ORC1: variants seen among roughly 807,000 people sequenced by gnomAD.
ORC1 encodes origin recognition complex subunit 1.
A neutral mutation model predicts 98.9 loss-of-function variants in ORC1; 61 were observed. The ratio of observed to expected loss-of-function variants is 0.62; its 90% CI spans 0.50 to 0.76. ORC1 has a LOEUF of 0.76. Ranked by LOEUF, ORC1 falls within the 30% of genes least tolerant of loss-of-function variation. ORC1 has a pLI of 0.00. For missense variants in ORC1, 979 were observed against 1,072.2 expected (o/e 0.91, Z 1.21); for synonymous variants, 385 against 406.9 (o/e 0.95, Z 0.65).
intron 3 of ORC1, among the ~76,000 whole-genome samples, chr1:52,398,961 CG>C (rs1349455972): frequency 6.6e-6 from 1 of 152,248 alleles, no homozygotes; most frequent in East Asian, 1.9e-4. Flanking sequence ...AATCAAGTGA[CG>C]GGGGACCTTA....
Position 52,393,681 on chromosome 1 carries a change from T to C in ORC1, c.844A>G (p.Lys282Glu). ...AGAGCTGGAGACAAGGTTTGAAGTTTATCAGGCTGAGATCTCTTAGAAGGT... is the reference window on the plus strand; with the variant it reads ...AGAGCTGGAGACAAGGTTTGAAGTTCATCAGGCTGAGATCTCTTAGAAGGT... The part of the protein sequence containing the change: ...TSPSKRSQPD[K>E]LQTLSPALKA... Residue 282 changes from lysine to glutamate, a missense_variant, in exon 6 of 17, where the codon AAA becomes GAA. Transcript: ENST00000371568. The C allele has an allele frequency of 6.2e-7, 1 of 1,614,064 alleles. No individual in the cohort carries two copies. The highest frequency in any genetic ancestry group is 8.5e-7 in the Non-Finnish European group (1 of 1,179,994).
chr1:52,397,022 G>C (rs1647436846), intron 4 of ORC1, among the ~76,000 whole-genome samples: 1 of 152,132 alleles, frequency 6.6e-6, no homozygotes, highest in Non-Finnish European at 1.5e-5. Context: ...TACTCATCCT[G>C]CTGCCTCAAC....
upstream of ORC1, chr1:52,405,946 C>G: frequency 1.1e-6 from 1 of 945,722 alleles, no homozygotes; most frequent in South Asian, 1.6e-5. Context: ...CTAGAGAGTT[C>G]CACTCCAGAT....
Position 52,384,609 on chromosome 1 carries a change from T to C in ORC1, c.1696A>G (p.Ile566Val), listed in dbSNP as rs368689090. 11 of 1,613,928 alleles carry C rather than the reference T, an allele frequency of 6.8e-6. No individual in the cohort carries two copies. Among genetic ancestry groups the C allele is most frequent in the African/African-American group, 1.3e-5 (1 of 74,888 alleles). ...GTCAGCTTCATGCCATTGACCTCAA[T>C]GTATTGAAAGGGAGGAACATCATTG... The part of the protein sequence containing the change: ...QANDVPPFQY[I>V]EVNGMKLTEP... Residue 566 changes from isoleucine to valine, a missense_variant, in exon 11 of 17, where the codon ATT becomes GTT. Ile to Val is a conservative substitution (Grantham distance 29). Coordinates refer to ENST00000371568, the MANE Select transcript of ORC1 (RefSeq NM_004153.4).
At chr1:52,406,468 G>A (rs1275074950), upstream of ORC1, among the ~76,000 whole-genome samples, 1 of 152,194 alleles carries the variant, frequency 6.6e-6, no homozygotes, top group Non-Finnish European at 1.5e-5. Flanking sequence ...ACAACAAAAG[G>A]TGGTGGTTAA....
At chr1:52,380,938 C>T (rs1343803650) in intron 14 of ORC1, among the ~76,000 whole-genome samples, 1 of 152,210 alleles carries the variant, frequency 6.6e-6, no homozygotes, top group African/African-American at 2.4e-5. Context: ...CAGTCATGTG[C>T]TGCTGCTACA....
chr1:52,383,499 G>A lies in ORC1; in HGVS notation c.1934C>T (p.Ala645Val). 6.2e-7 allele frequency: 1 copy of A among 1,613,796 alleles called. No individual in the cohort carries two copies. The highest frequency in any genetic ancestry group is 8.5e-7 in the Non-Finnish European group (1 of 1,180,014). ...GGCAATTGCCAGGACCACAAGCCGG[G>A]CCTCCTTATGAGTGGGCCAGTCAAA... ...NLFDWPTHKE[A>V]RLVVLAIANT... The change falls in exon 13 of 17, where the codon GCC (alanine) becomes GTC (valine). Residue 645 changes from alanine to valine, a missense_variant. Physicochemically the swap from Ala to Val is moderately conservative, Grantham distance 64. Coordinates refer to ENST00000371568, the MANE Select transcript of ORC1 (RefSeq NM_004153.4).
upstream of ORC1, chr1:52,404,583 C>A (rs538609147): frequency 4.9e-6 from 3 of 613,154 alleles, no homozygotes; most frequent in African/African-American, 3.7e-5. Flanking sequence ...ATAGGCGACG[C>A]GGGGAGCGGA....
rs761859004 is a variant in ORC1, at chr1:52,396,113, G to T, written c.654C>A (p.Ala218=). The change falls in exon 5 of 17, where the codon GCC becomes GCA. Residue 218 remains alanine, a synonymous_variant. Coordinates refer to ENST00000371568, the MANE Select transcript of ORC1 (RefSeq NM_004153.4). ...GGGTAGGAGTTTGGCGAGATTTGGAGGCGGAGTGCCTTGATTCAATCCTTT... is the reference window on the plus strand; with the variant it reads ...GGGTAGGAGTTTGGCGAGATTTGGATGCGGAGTGCCTTGATTCAATCCTTT... ...VAKRIESRHS[A]SKSRQTPTHP... 3 of 1,614,206 alleles carry T rather than the reference G, an allele frequency of 1.9e-6. No homozygotes were observed. The highest frequency in any genetic ancestry group is 2.2e-5 in the South Asian group (2 of 91,090).
At chr1:52,407,818 G>A (rs1648040146), upstream of ORC1, among the ~76,000 whole-genome samples, 1 of 152,358 alleles carries the variant, frequency 6.6e-6, no homozygotes, top group South Asian at 2.1e-4. Context: ...CACTTTGGGA[G>A]GCCAAGGCAG....
Position 52,375,491 on chromosome 1 carries a change from T to C in ORC1, c.2242A>G (p.Ile748Val). The C allele has an allele frequency of 1.9e-6, 3 of 1,614,166 alleles. No homozygotes were observed. The highest frequency in any genetic ancestry group is 2.5e-6 in the Non-Finnish European group (3 of 1,180,024). ...QKPDSPGLVT[I>V]AHSMEAVDEM... The stretch of plus-strand genomic sequence containing the variant: ...TCCACAGCTTCCATTGAGTGGGCTA[T>C]GGTGACCAGGCCAGGGGAGTCAGGC... The change falls in exon 15 of 17, where the codon ATA becomes GTA. Residue 748 changes from isoleucine to valine, a missense_variant. Ile to Val is a conservative substitution (Grantham distance 29). Coordinates refer to ENST00000371568, the MANE Select transcript of ORC1 (RefSeq NM_004153.4).
chr1:52,384,191 A>C (rs1332769543), intron 11 of ORC1, among the ~76,000 whole-genome samples: 3 of 152,248 alleles, frequency 2.0e-5, no homozygotes, highest in Non-Finnish European at 4.4e-5. Flanking sequence ...TCACTATTAC[A>C]GAATTCTATA....
chr1:52,391,304 C>T (rs1647207594), intron 6 of ORC1, among the ~76,000 whole-genome samples: 1 of 138,390 alleles, frequency 7.2e-6, no homozygotes, highest in Middle Eastern at 3.6e-3. Flanking sequence ...CAGAGTGAGA[C>T]TCCATCTCAA....
chr1:52,404,933 G>A (rs565200681), upstream of ORC1: 887 of 1,596,226 alleles, frequency 5.6e-4, 1 homozygote, highest in Middle Eastern at 1.8e-3. Flanking sequence ...CATTTCTCCT[G>A]ACCGAGCGCG....
intron 3 of ORC1, among the ~76,000 whole-genome samples, chr1:52,399,365 C>G (rs1647581335): frequency 6.6e-6 from 1 of 152,134 alleles, no homozygotes; most frequent in Non-Finnish European, 1.5e-5. Context: ...CGGCTCACGC[C>G]TGTAATCCCA....
rs543395954 is a variant in ORC1, at chr1:52,385,893, A to G, written c.1440T>C (p.Ala480=). The G allele has an allele frequency of 3.1e-5, 50 of 1,613,916 alleles. No homozygotes were observed. In the East Asian group the frequency reaches 1.1e-3, roughly 35 times the overall value. Residue 480 remains alanine (A), a synonymous_variant, in exon 9 of 17, where the codon GCT becomes GCC. Transcript: ENST00000371568. ...CCAGCACACTGGCTGGCTCCTGGGC[A>G]GCCAGGCTTCGACTACGGATCTGAG... ...AAPQIRSRSL[A]AQEPASVLEE... is the part of the protein sequence containing the mutation.
At chr1:52,406,725 A>G (rs979024480), upstream of ORC1, among the ~76,000 whole-genome samples, 6 of 152,234 alleles carry the variant, frequency 3.9e-5, no homozygotes, top group African/African-American at 1.4e-4. Context: ...AGACAGACAT[A>G]ATAGCTTCTT....
intron 1 of ORC1, among the ~76,000 whole-genome samples, chr1:52,402,659 C>A (rs1025064877): frequency 6.6e-6 from 1 of 152,180 alleles, no homozygotes; most frequent in Non-Finnish European, 1.5e-5. Flanking sequence ...AAAGGCTGGG[C>A]GCAGTGGCTC....
At chr1:52,378,358 A>G (rs1647021470) in intron 14 of ORC1, among the ~76,000 whole-genome samples, 1 of 142,840 alleles carries the variant, frequency 7.0e-6, no homozygotes, top group African/African-American at 2.8e-5. Flanking sequence ...AAAAAAAAAC[A>G]AACAAAACAC....
Sources: allele counts gnomAD v4.1 joint callset (sites outside exome capture counted in the v4.1 genomes callset), GRCh38; gene constraint gnomAD v4.1.1; transcripts MANE v1.5; gene names NCBI Gene and HGNC (gene_info 2026-07-23, HGNC 2026-07-21).